PTBP3: variants seen among roughly 807,000 people sequenced by gnomAD.
PTBP3 encodes polypyrimidine tract binding protein 3.
Under a neutral mutation model 58.7 loss-of-function variants are expected in PTBP3, and 20 were observed. The ratio of observed to expected loss-of-function variants is 0.34; its 90% confidence interval spans 0.24 to 0.50. The LOEUF is 0.50. PTBP3 is among the 20% of genes least tolerant of loss of function. The probability of loss-of-function intolerance (pLI) is 0.98; values close to 1 mark genes in which losing one functional copy is unlikely to be tolerated. For missense variants in PTBP3, 509 were observed against 637.2 expected, an observed-to-expected ratio of 0.80 and a Z score of 2.17; for synonymous variants, 185 against 219.8, an observed-to-expected ratio of 0.84 and a Z score of 1.40.
At chr9:112,285,661 T>G (rs1828079923) in intron 2 of PTBP3, among the ~76,000 whole-genome samples, 1 of 152,222 alleles carries the variant, frequency 6.6e-6, no homozygotes, top group African/African-American at 2.4e-5. Context: ...ATAATATAAC[T>G]GTGTTCAAAT....
intron 11 of PTBP3, among the ~76,000 whole-genome samples, chr9:112,227,930 C>T (rs911945833): frequency 2.6e-5 from 4 of 152,108 alleles, no homozygotes; most frequent in African/African-American, 9.7e-5. Flanking sequence ...TTAGTTTTAT[C>T]TCAAGCAAGG....
intron 9 of PTBP3, 74 bp downstream of exon 9, chr9:112,232,024 GA>G (rs1554788124): frequency 0.06 from 20,204 of 336,016 alleles, 1,130 homozygotes; most frequent in African/African-American, 0.16. Context: ...GAGAAGAAAA[GA>G]AAAGAAAGAA....
intron 1 of PTBP3, among the ~76,000 whole-genome samples, chr9:112,328,508 C>A (rs1048597547): frequency 1.3e-5 from 2 of 152,200 alleles, no homozygotes; most frequent in African/African-American, 4.8e-5. Flanking sequence ...ATGGTTCCTG[C>A]ATCTAACATT....
In PTBP3 at chr9:112,268,115, G is replaced by C; in HGVS notation, c.285C>G (p.Ser95Arg). Residue 95 changes from serine (S) to arginine (R), a missense_variant, in exon 4 of 14, where the codon AGC (serine) becomes AGG (arginine). Coordinates refer to ENST00000374257, the MANE Select transcript of PTBP3 (RefSeq NM_001163788.4). ...YYTPITPHLR[S>R]QPVYIQYSNH... ...TGGAATACTGAATATAAACAGGCTG[G>C]CTTCGAAGGTGAGGAGTAATAGGAG... is the stretch of plus-strand genomic sequence containing the variant. 6.2e-7 allele frequency: 1 copy of C among 1,613,820 alleles called. No homozygotes were observed. The highest frequency in any genetic ancestry group is 8.5e-7 in the Non-Finnish European group (1 of 1,179,788).
At chr9:112,307,097 T>G (rs778005577) in intron 1 of PTBP3, among the ~76,000 whole-genome samples, 3 of 152,188 alleles carry the variant, frequency 2.0e-5, no homozygotes, top group Non-Finnish European at 4.4e-5. Context: ...GGGACCCTAG[T>G]ATCAACTGAA....
intron 12 of PTBP3, among the ~76,000 whole-genome samples, chr9:112,226,418 T>C (rs1160389412): frequency 6.6e-6 from 1 of 152,186 alleles, no homozygotes; most frequent in Non-Finnish European, 1.5e-5. Context: ...TTTAAATTTT[T>C]ACACACATAC....
chr9:112,320,593 A>T (rs958095340), intron 1 of PTBP3, among the ~76,000 whole-genome samples: 2 of 152,064 alleles, frequency 1.3e-5, no homozygotes, highest in Non-Finnish European at 2.9e-5. Context: ...AATGATCTAG[A>T]ATAGCCAAAG....
chr9:112,355,149 A>G, the PTBP3 span, among the ~76,000 whole-genome samples: 2 of 152,218 alleles, frequency 1.3e-5, no homozygotes, highest in Non-Finnish European at 1.5e-5. Flanking sequence ...AGACCTGAGA[A>G]AATGCTTGGC....
intron 7 of PTBP3, among the ~76,000 whole-genome samples, chr9:112,245,235 AGGAG>A (rs1835830906): frequency 6.6e-6 from 1 of 152,192 alleles, no homozygotes; most frequent in Admixed American, 6.5e-5. Flanking sequence ...GCTTGAACCC[AGGAG>A]GCAAAGGCTG....
chr9:112,243,145 A>AC (rs1270092177), intron 7 of PTBP3, among the ~76,000 whole-genome samples: 4 of 151,730 alleles, frequency 2.6e-5, no homozygotes, highest in Non-Finnish European at 5.9e-5. Flanking sequence ...AAAAAAAAAA[A>AC]AACAGTTTTC....
chr9:112,368,706 G>A, the PTBP3 span, among the ~76,000 whole-genome samples: 3 of 152,220 alleles, frequency 2.0e-5, no homozygotes, highest in South Asian at 2.1e-4. Context: ...ACTAGTGGGA[G>A]TGCTTTGGGC....
intron 7 of PTBP3, among the ~76,000 whole-genome samples, chr9:112,241,910 T>TTA (rs1270905805): frequency 6.6e-6 from 1 of 152,218 alleles, no homozygotes; most frequent in Non-Finnish European, 1.5e-5. Context: ...AGAATAGGTG[T>TTA]TCCCTTCTGT....
At chr9:112,374,401 A>G in the PTBP3 span, among the ~76,000 whole-genome samples, 1 of 152,206 alleles carries the variant, frequency 6.6e-6, no homozygotes, top group East Asian at 1.9e-4. Context: ...CGTTACGGTA[A>G]GTAGTGCCAC....
chr9:112,366,343 AATGTTGCCAGGGC>A, the PTBP3 span, among the ~76,000 whole-genome samples: 1 of 152,230 alleles, frequency 6.6e-6, no homozygotes, highest in Non-Finnish European at 1.5e-5. Flanking sequence ...GAATGGGGGA[AATGTTGCCAGGGC>A]ATGTCAGAGG....
chr9:112,258,901 C>CATCT (rs201279442), intron 5 of PTBP3, among the ~76,000 whole-genome samples: 1,703 of 152,282 alleles, frequency 0.011, 36 homozygotes, highest in African/African-American at 0.039. Flanking sequence ...AGGCCACCAT[C>CATCT]ATCTCTCACT....
chr9:112,359,620 A>G, the PTBP3 span, among the ~76,000 whole-genome samples: 1 of 152,158 alleles, frequency 6.6e-6, no homozygotes, highest in African/African-American at 2.4e-5. Context: ...CCTGGCCAAC[A>G]TGTTGAAACC....
chr9:112,251,753 A>C (rs1836127919), intron 6 of PTBP3, among the ~76,000 whole-genome samples: 1 of 152,198 alleles, frequency 6.6e-6, no homozygotes, highest in Non-Finnish European at 1.5e-5. Flanking sequence ...CAAATGCTTG[A>C]ATTTATAAAA....
rs575074095 is a variant in PTBP3 at position 112,257,388 on chromosome 9, A to T, written c.517-4600T>A. ...TGGTATCAAAAATTAAAATTCAGGA[A>T]GGTTTGATATATATATGAATCTATT... On this transcript the variant is annotated intron_variant, in intron 5 of 13. Transcript: ENST00000374257. Among the ~76,000 whole-genome samples the T allele has an allele frequency of 9.8e-5, 15 of 152,320 alleles. No individual in the cohort carries two copies. In the East Asian group the frequency reaches 2.9e-3, roughly 29 times the overall value.
At chr9:112,357,898 G>C in the PTBP3 span, among the ~76,000 whole-genome samples, 1 of 152,132 alleles carries the variant, frequency 6.6e-6, no homozygotes, top group African/African-American at 2.4e-5. Context: ...GGAAGAGTTG[G>C]AGATAGATGG....
Sources: allele counts gnomAD v4.1 joint callset (sites outside exome capture counted in the v4.1 genomes callset), GRCh38; gene constraint gnomAD v4.1.1; transcripts MANE v1.5; gene names NCBI Gene and HGNC (gene_info 2026-07-23, HGNC 2026-07-21).